Variants in GRM8 observed in about 807,000 individuals in gnomAD.
The protein encoded by GRM8 is metabotropic glutamate receptor 8.
Under a neutral mutation model 87.2 loss-of-function variants are expected in GRM8, and 47 were observed. The observed-to-expected ratio is 0.54, with a 90% confidence interval of 0.43 to 0.69. GRM8 has a LOEUF of 0.69. Ranked by LOEUF, GRM8 falls within the 30% of genes least tolerant of loss-of-function variation. The probability of loss-of-function intolerance (pLI) is 0.00; values close to 1 mark genes in which losing one functional copy is unlikely to be tolerated. For missense variants in GRM8, 1,019 were observed against 1,139.2 expected, an observed-to-expected ratio of 0.89 and a Z score of 1.52; for synonymous variants, 396 against 404.5, an observed-to-expected ratio of 0.98 and a Z score of 0.25.
intron 3 of GRM8, among the ~76,000 whole-genome samples, chr7:127,092,013 C>T (rs1458802357): frequency 9.3e-6 from 1 of 107,058 alleles, no homozygotes; most frequent in African/African-American, 3.7e-5. Context: ...ATGACCCCCC[C>T]CACCATCCCA....
At position 126,732,339 on chromosome 7, in the gene GRM8, C is replaced by A. The variant is rs138855897; in HGVS notation, c.1357+37526G>T. On this transcript the variant is annotated intron_variant, in intron 7 of 10. Transcript: ENST00000339582. ...TTAAGTCTTCTATATCCATTCGGAG[C>A]AACAGCAAATATCTCTAAGTCATTT... 7.4e-4 allele frequency among the ~76,000 whole-genome samples: 112 copies of A among 152,186 alleles called. 1 individual carries two copies. The highest frequency in any genetic ancestry group is 1.5e-3 in the South Asian group (7 of 4,826).
At chr7:126,967,071 A>G (rs1809947389) in intron 3 of GRM8, among the ~76,000 whole-genome samples, 1 of 152,206 alleles carries the variant, frequency 6.6e-6, no homozygotes, top group South Asian at 2.1e-4. Flanking sequence ...TGAGAGATAG[A>G]ATGCCTAGGC....
At chr7:126,486,429 G>T (rs562906628) in intron 9 of GRM8, among the ~76,000 whole-genome samples, 1 of 152,022 alleles carries the variant, frequency 6.6e-6, no homozygotes, top group East Asian at 1.9e-4. Context: ...TGTTTACTTG[G>T]CCAACCTTGT....
rs530439732 is a variant in GRM8 at position 127,056,056 on chromosome 7, AT to A, written c.727+50439del. Reference sequence around the variant, plus strand: ...ACACACACTTGAAAATAATAAAGTTATTAAAATTTTGTTTAATTCAGCTTTC... The same window carrying A: ...ACACACACTTGAAAATAATAAAGTTATAAAATTTTGTTTAATTCAGCTTTC... On this transcript the variant is annotated intron_variant, in intron 3 of 10. Transcript: ENST00000339582. Among the ~76,000 whole-genome samples the A allele has an allele frequency of 1.6e-3, 248 of 152,344 alleles. 1 individual carries two copies. Among genetic ancestry groups the A allele is most frequent in the South Asian group, 5.8e-3 (28 of 4,830 alleles).
In GRM8 at chr7:126,446,004, A is replaced by T; in HGVS notation, c.2677+122T>A. On this transcript the variant is annotated intron_variant, in intron 10 of 10. Transcript: ENST00000339582. ...AAATGTGATGGTGTCACGGTATGTGAGTACCATCATGCCCCTGGAAACATG... is the reference window on the plus strand; with the variant it reads ...AAATGTGATGGTGTCACGGTATGTGTGTACCATCATGCCCCTGGAAACATG... 6 of 1,114,430 alleles carry T rather than the reference A, an allele frequency of 5.4e-6. No individual in the cohort carries two copies. The South Asian group carries it at 8.0e-5, about 15-fold the overall frequency. The allele number at this position is 1,114,430 out of a possible 1,614,324, so 69.0% of individuals were successfully genotyped here.
intron 3 of GRM8, among the ~76,000 whole-genome samples, chr7:126,923,597 A>G (rs1439361223): frequency 6.6e-6 from 1 of 152,202 alleles, no homozygotes; most frequent in Non-Finnish European, 1.5e-5. Context: ...GGGCCACAAG[A>G]AAATGAAATT....
intron 2 of GRM8, among the ~76,000 whole-genome samples, chr7:127,225,637 A>C (rs1017357776): frequency 2.7e-5 from 4 of 149,936 alleles, no homozygotes; most frequent in African/African-American, 9.7e-5. Flanking sequence ...CTCTACCTAT[A>C]GATAGATATA....
intron 8 of GRM8, among the ~76,000 whole-genome samples, chr7:126,588,261 A>G (rs183080070): frequency 7.2e-5 from 11 of 152,298 alleles, no homozygotes; most frequent in Admixed American, 7.2e-4. Flanking sequence ...GATACTCAGT[A>G]AGAGTTTGGT....
At chr7:126,625,727 A>G (rs776856958) in intron 7 of GRM8, among the ~76,000 whole-genome samples, 4 of 152,178 alleles carry the variant, frequency 2.6e-5, no homozygotes, top group Non-Finnish European at 5.9e-5. Flanking sequence ...ATCTCAGGGA[A>G]GCAGATGAAT....
At chr7:126,732,158 A>C (rs1585704891) in intron 7 of GRM8, among the ~76,000 whole-genome samples, 1 of 152,026 alleles carries the variant, frequency 6.6e-6, no homozygotes, top group Admixed American at 6.6e-5. Context: ...ATCATAATAT[A>C]TTTTTTCACC....
intron 7 of GRM8, among the ~76,000 whole-genome samples, chr7:126,751,039 C>G (rs1816356302): frequency 7.9e-6 from 1 of 126,116 alleles, no homozygotes; most frequent in Non-Finnish European, 1.9e-5. Context: ...ATTATCCCTA[C>G]TTTATATTAT....
chr7:126,643,762 C>T (rs1286785233), intron 7 of GRM8, among the ~76,000 whole-genome samples: 2 of 152,188 alleles, frequency 1.3e-5, no homozygotes, highest in African/African-American at 2.4e-5. Flanking sequence ...AGGAATTCAA[C>T]AAAATAGGAA....
At chr7:126,959,389 A>G (rs1308957099) in intron 3 of GRM8, among the ~76,000 whole-genome samples, 1 of 152,250 alleles carries the variant, frequency 6.6e-6, no homozygotes, top group Non-Finnish European at 1.5e-5. Flanking sequence ...AAAATTTGGC[A>G]GCAGTGAACT....
At chr7:126,546,095 TTAG>T (rs1445976971) in intron 8 of GRM8, among the ~76,000 whole-genome samples, 1 of 152,162 alleles carries the variant, frequency 6.6e-6, no homozygotes, top group Non-Finnish European at 1.5e-5. Context: ...CTATTTTATA[TTAG>T]TAAACAAACA....
At chr7:127,050,170 T>C (rs1819326898) in intron 3 of GRM8, among the ~76,000 whole-genome samples, 1 of 152,126 alleles carries the variant, frequency 6.6e-6, no homozygotes, top group Non-Finnish European at 1.5e-5. Context: ...TAGAAGGCCA[T>C]TGCAATCACC....
At chr7:127,117,461 C>T (rs1826763507) in intron 2 of GRM8, among the ~76,000 whole-genome samples, 1 of 152,164 alleles carries the variant, frequency 6.6e-6, no homozygotes, top group South Asian at 2.1e-4. Flanking sequence ...TCTTTGATAT[C>T]TTCTTGGAAA....
intron 6 of GRM8, among the ~76,000 whole-genome samples, chr7:126,831,582 A>C (rs1027666446): frequency 2.0e-5 from 3 of 152,178 alleles, no homozygotes; most frequent in African/African-American, 7.2e-5. Flanking sequence ...GGAGTGGCCC[A>C]GTTTTCCAGG....
At chr7:126,540,875 C>G (rs1175695933) in intron 8 of GRM8, among the ~76,000 whole-genome samples, 2 of 152,082 alleles carry the variant, frequency 1.3e-5, no homozygotes, top group African/African-American at 4.8e-5. Context: ...TACGAAGAAC[C>G]ACTGAATTGC....
At chr7:127,045,544 G>A (rs1191155420) in intron 3 of GRM8, among the ~76,000 whole-genome samples, 1 of 151,748 alleles carries the variant, frequency 6.6e-6, no homozygotes, top group Non-Finnish European at 1.5e-5. Context: ...CAGTCATAAA[G>A]TCTCCTTTTT....
Sources: allele counts gnomAD v4.1 joint callset (sites outside exome capture counted in the v4.1 genomes callset), GRCh38; gene constraint gnomAD v4.1.1; transcripts MANE v1.5; gene names NCBI Gene and HGNC (gene_info 2026-07-23, HGNC 2026-07-21).